HK2: variants seen among roughly 807,000 people sequenced by gnomAD.
HK2 encodes hexokinase 2, also known as hexokinase-2.
A neutral mutation model predicts 92.9 loss-of-function variants in HK2; 42 were observed. That is an observed-to-expected ratio of 0.45 (90% CI 0.35 to 0.58). The LOEUF is 0.58. Among genes scored for constraint, HK2 ranks in the 20% least tolerant of loss-of-function variants. HK2 has a pLI of 0.00. For synonymous variants in HK2, 422 were observed against 468.0 expected, an observed-to-expected ratio of 0.90 and a Z score of 1.27; for missense variants, 978 against 1,245.1, an observed-to-expected ratio of 0.79 and a Z score of 3.23.
chr2:74,878,162 A>C (rs1031030972), intron 8 of HK2, among the ~76,000 whole-genome samples: 1 of 152,178 alleles, frequency 6.6e-6, no homozygotes, highest in Non-Finnish European at 1.5e-5. Flanking sequence ...CACAAGCTAA[A>C]GCAGTGCCAA....
chr2:74,866,845 A>G (rs1278891550), intron 2 of HK2, among the ~76,000 whole-genome samples: 3 of 152,250 alleles, frequency 2.0e-5, no homozygotes, highest in Middle Eastern at 3.4e-3. Flanking sequence ...CCAGGCCTCA[A>G]TGTGTTGGTC....
At chr2:74,851,439 C>G (rs1483760964) in intron 1 of HK2, among the ~76,000 whole-genome samples, 1 of 152,210 alleles carries the variant, frequency 6.6e-6, no homozygotes, top group African/African-American at 2.4e-5. Flanking sequence ...CTCGATTCTT[C>G]AAGGGTTGAG....
At chr2:74,836,636 A>T (rs1454794792) in intron 1 of HK2, among the ~76,000 whole-genome samples, 1 of 152,190 alleles carries the variant, frequency 6.6e-6, no homozygotes, top group Non-Finnish European at 1.5e-5. Flanking sequence ...TAAACTACCA[A>T]TAGGGGCAGA....
At chr2:74,867,808 C>T (rs746035389) in intron 3 of HK2, 24 bp downstream of exon 3, 3 of 1,613,610 alleles carry the variant, frequency 1.9e-6, no homozygotes, top group South Asian at 1.1e-5. Flanking sequence ...CTCAGGGCAG[C>T]CCCTGGTGAC....
chr2:74,871,005 C>G (rs918443846), intron 3 of HK2, among the ~76,000 whole-genome samples: 2 of 152,172 alleles, frequency 1.3e-5, no homozygotes, highest in African/African-American at 4.8e-5. Flanking sequence ...GGAGATCCAA[C>G]AGGTCTGTCA....
intron 2 of HK2, among the ~76,000 whole-genome samples, chr2:74,864,908 G>A (rs1688911208): frequency 6.6e-6 from 1 of 152,234 alleles, no homozygotes; most frequent in Non-Finnish European, 1.5e-5. Context: ...TACAGGTGAG[G>A]TGACATGCTC....
At chr2:74,872,497 T>TGTG in intron 4 of HK2, 78 bp downstream of exon 4, 3 of 1,506,580 alleles carry the variant, frequency 2.0e-6, no homozygotes, top group Admixed American at 1.7e-5. Flanking sequence ...AGCCACCTGC[T>TGTG]GTGGTGGTGG....
At chr2:74,842,954 G>C (rs1396005595) in intron 1 of HK2, among the ~76,000 whole-genome samples, 1 of 152,204 alleles carries the variant, frequency 6.6e-6, no homozygotes, top group Non-Finnish European at 1.5e-5. Context: ...AAGAGCAGAG[G>C]CTTCAGAGGG....
chr2:74,882,147 G>A lies in HK2; in HGVS notation c.1747G>A (p.Ala583Thr), dbSNP rs550020237. Residue 583 changes from alanine (A) to threonine (T), a missense_variant, in exon 12 of 18, where the codon GCG (alanine) becomes ACG (threonine). By Grantham distance (58) the Ala-to-Thr change is moderately conservative (BLOSUM62 0). Coordinates refer to ENST00000290573, the MANE Select transcript of HK2 (RefSeq NM_000189.5). Reference sequence around the variant, plus strand: ...CTTTGACCACATTGTCCAGTGCATCGCGGACTTCCTCGAGTACATGGGCAT... The same window carrying A: ...CTTTGACCACATTGTCCAGTGCATCACGGACTTCCTCGAGTACATGGGCAT... ...ELFDHIVQCIADFLEYMGMKG... is the reference protein window; with the variant it reads ...ELFDHIVQCITDFLEYMGMKG... The A allele has an allele frequency of 1.2e-5, 20 of 1,614,166 alleles. No individual in the cohort carries two copies. Among genetic ancestry groups the A allele is most frequent in the South Asian group, 2.2e-5 (2 of 91,088 alleles).
intron 1 of HK2, among the ~76,000 whole-genome samples, chr2:74,839,227 T>C (rs1573350059): frequency 6.6e-6 from 1 of 152,102 alleles, no homozygotes; most frequent in African/African-American, 2.4e-5. Flanking sequence ...TTCAGTTGTC[T>C]AGAGAGATAT....
At chr2:74,876,839 AGAG>A (rs1387469837) in intron 7 of HK2, among the ~76,000 whole-genome samples, 1 of 152,222 alleles carries the variant, frequency 6.6e-6, no homozygotes, top group Non-Finnish European at 1.5e-5. Context: ...TTTCCTGGCT[AGAG>A]AAGAATTTTA....
intron 1 of HK2, among the ~76,000 whole-genome samples, chr2:74,850,644 C>T (rs897743653): frequency 6.6e-6 from 1 of 152,212 alleles, no homozygotes; most frequent in African/African-American, 2.4e-5. Flanking sequence ...CTGGTGCTCC[C>T]TCCCACTGAT....
At chr2:74,880,717 A>C in intron 10 of HK2, 148 bp downstream of exon 10, 1 of 809,518 alleles carries the variant, frequency 1.2e-6, no homozygotes, top group East Asian at 2.7e-5. Context: ...AGTCTTTGAT[A>C]AACTCAAACA....
intron 10 of HK2, 84 bp downstream of exon 10, chr2:74,880,653 C>A: frequency 7.4e-7 from 1 of 1,349,194 alleles, no homozygotes; most frequent in South Asian, 1.2e-5. Context: ...TTAGCATTAG[C>A]ATTGGACATT....
Position 74,834,344 on chromosome 2 carries a change from A to G in HK2, c.-237A>G, listed in dbSNP as rs1324034099. The G allele has an allele frequency of 3.4e-6, 2 of 587,888 alleles. No homozygotes were observed. The highest frequency in any genetic ancestry group is 5.6e-5 in the Admixed American group (2 of 35,556). 36.4% of individuals were successfully genotyped at this position (587,888 alleles called of 1,614,324 possible). ...ACGTGGGACAACCGGACACGTCGCC[A>G]GGAGAGAACTGAGGCGCCTTCTAGC... is the stretch of plus-strand genomic sequence containing the variant. On this transcript the variant is annotated 5_prime_UTR_variant, in exon 1 of 18. Coordinates refer to ENST00000290573, the MANE Select transcript of HK2 (RefSeq NM_000189.5). The surrounding 1 kb of genome is among the most constrained non-coding windows in gnomAD (Gnocchi z 4.2).
At chr2:74,888,185 A>G in intron 16 of HK2, 127 bp downstream of exon 16, 1 of 946,794 alleles carries the variant, frequency 1.1e-6, no homozygotes, top group South Asian at 1.5e-5. Flanking sequence ...AAACACATTC[A>G]TGTCTATAGT....
rs1689358186 is a variant in HK2 at position 74,880,522 on chromosome 2, C to A, written c.1523C>A (p.Pro508His). Residue 508 changes from proline (P) to histidine (H), a missense_variant, in exon 10 of 18, where the codon CCC becomes CAC. Around this residue, in one of 3 missense-constraint regions of HK2, gnomAD observed 742 missense variants for 922.5 expected, o/e 0.80. Coordinates refer to ENST00000290573, the MANE Select transcript of HK2 (RefSeq NM_000189.5). ...GLSKETHASA[P>H]VKMLPTYVCA... ...AGCAAGGAGACTCATGCCAGTGCCC[C>A]CGTCAAGATGCTGCCCACCTACGTG... 2.5e-6 allele frequency: 4 copies of A among 1,614,178 alleles called. No homozygotes were observed. In the East Asian group the frequency reaches 8.9e-5, roughly 36 times the overall value.
At position 74,882,605 on chromosome 2, in the gene HK2, T is replaced by TTATATATATATATATA. The variant is rs141761906; in HGVS notation, c.1839+367_1839+382dup. On this transcript the variant is annotated intron_variant, in intron 12 of 17. Coordinates refer to ENST00000290573, the MANE Select transcript of HK2 (RefSeq NM_000189.5). ...TAGGAAGACCCCATCTCTATTGAAC[T>TTATATATATATATATA]TATATATATATATATAGCATTTTTA... 6.4e-3 allele frequency among the ~76,000 whole-genome samples: 481 copies of TTATATATATATATATA among 75,694 alleles called. 84 individuals are homozygous for TTATATATATATATATA. Among genetic ancestry groups the TTATATATATATATATA allele is most frequent in the South Asian group, 8.0e-3 (16 of 2,006 alleles). The allele number at this position is 75,694 out of a possible 152,430, so 49.7% of individuals were successfully genotyped here. A position where few individuals can be genotyped will look rare whatever the true frequency, so the allele number is the denominator to read the frequency against.
rs1291394236 is a variant in HK2, at chr2:74,891,222, C to T, written c.*281C>T. On this transcript the variant is annotated 3_prime_UTR_variant, in exon 18 of 18. Transcript: ENST00000290573. ...GAAAATTATCTCCCTTAGTAATCCC[C>T]CTTGCCAAATTCCATGTCCCTGTAT... 1.1e-5 allele frequency: 5 copies of T among 447,046 alleles called. No individual in the cohort carries two copies. Among genetic ancestry groups the T allele is most frequent in the Non-Finnish European group, 1.2e-5 (3 of 241,264 alleles). The allele number at this position is 447,046 out of a possible 1,614,324, so 27.7% of individuals were successfully genotyped here.
Sources: gnomAD v4.1 joint callset for allele counts (sites outside exome capture counted in the v4.1 genomes callset) on GRCh38, gnomAD v4.1.1 for gene constraint, gnomAD v4.1.1 regional missense constraint, Gnocchi (gnomAD v3.1) non-coding constraint, MANE v1.5 for transcripts, NCBI Gene and HGNC (gene_info 2026-07-23, HGNC 2026-07-21) for gene names.